Variants in PDE4C observed in about 807,000 individuals in gnomAD.
PDE4C encodes phosphodiesterase 4C.
In PDE4C, 50 loss-of-function variants were observed where a neutral mutation model predicts 63.9. That is an observed-to-expected ratio of 0.78 (90% CI 0.62 to 0.99). The LOEUF is 0.99. PDE4C is among the 50% of genes least tolerant of loss of function. The probability of loss-of-function intolerance (pLI) is 0.00; values close to 1 mark genes in which losing one functional copy is unlikely to be tolerated. For missense variants in PDE4C, 777 were observed against 899.1 expected, an observed-to-expected ratio of 0.86 and a Z score of 1.74; for synonymous variants, 377 against 385.1, an observed-to-expected ratio of 0.98 and a Z score of 0.25.
At chr19:18,212,534 G>A (rs1346449104) in intron 13 of PDE4C, among the ~76,000 whole-genome samples, 3 of 150,830 alleles carry the variant, frequency 2.0e-5, no homozygotes, top group Non-Finnish European at 4.4e-5. Context: ...GAGTGCAATG[G>A]TGCAATCACA....
chr19:18,248,083 G>A (rs1969161908), intron 1 of PDE4C: 3 of 436,746 alleles, frequency 6.9e-6, no homozygotes, highest in South Asian at 4.8e-5. Flanking sequence ...GTTTCAGGGG[G>A]ATTACGAGAC....
chr19:18,217,633 G>A (rs944465508), intron 11 of PDE4C, among the ~76,000 whole-genome samples: 16 of 152,076 alleles, frequency 1.1e-4, no homozygotes, highest in African/African-American at 3.6e-4. Flanking sequence ...GCGGTGGCTC[G>A]TGCCTGTAAT....
At chr19:18,211,648 G>A in intron 14 of PDE4C, 111 bp downstream of exon 14, 3 of 1,247,090 alleles carry the variant, frequency 2.4e-6, no homozygotes, top group East Asian at 2.3e-5. Flanking sequence ...CACCCTTCAG[G>A]CACACTCCCT....
chr19:18,229,187 T>G (rs1968800278), upstream of PDE4C, among the ~76,000 whole-genome samples: 1 of 148,314 alleles, frequency 6.7e-6, no homozygotes, highest in Admixed American at 6.9e-5. Flanking sequence ...TGACTTCAGG[T>G]GATCACCTGC....
intron 1 of PDE4C, among the ~76,000 whole-genome samples, chr19:18,222,707 T>C (rs1285828162): frequency 2.2e-5 from 3 of 137,690 alleles, no homozygotes; most frequent in African/African-American, 2.6e-5. Flanking sequence ...TTTCTTTTTT[T>C]TTTTTTTTTT....
Position 18,220,198 on chromosome 19 carries a change from G to A in PDE4C, c.706+28C>T. Reference sequence around the variant, plus strand: ...TGTTTCTTAGTACTCCTAAAATGTCGTCCAGGCAGTGACTCAACAAAGCTC... The same window carrying A: ...TGTTTCTTAGTACTCCTAAAATGTCATCCAGGCAGTGACTCAACAAAGCTC... On this transcript the variant is annotated intron_variant, in intron 7 of 14. Coordinates refer to ENST00000262805, the Ensembl canonical transcript of PDE4C. This position sits in a 1 kb window ranked among gnomAD's most constrained non-coding sequence, Gnocchi z 5.1. The A allele has an allele frequency of 1.3e-6, 2 of 1,551,122 alleles. No homozygotes were observed.
At chr19:18,239,362 T>C (rs1969002286) in intron 1 of PDE4C, among the ~76,000 whole-genome samples, 1 of 152,248 alleles carries the variant, frequency 6.6e-6, no homozygotes, top group South Asian at 2.1e-4. Flanking sequence ...AGAATCAGTC[T>C]GAACGGATGC....
chr19:18,218,498 C>A lies in PDE4C; in HGVS notation c.970G>T (p.Glu324Ter), dbSNP rs763102655. 17 of 1,614,054 alleles carry A rather than the reference C, an allele frequency of 1.1e-5. No individual in the cohort carries two copies. Among genetic ancestry groups the A allele is most frequent in the Non-Finnish European group, 9.3e-6 (11 of 1,180,016 alleles). The change falls in exon 10 of 15, where the codon GAG becomes TAG. Residue 324 changes from glutamate to a stop codon, truncating the protein, a stop_gained and splice_region_variant. Coordinates refer to ENST00000262805, the Ensembl canonical transcript of PDE4C. LOFTEE classifies it high-confidence loss of function. The stretch of plus-strand genomic sequence containing the variant: ...TGGAATGTCTTCAGCAGGTCCCGCT[C>A]CTGGTCCATCACAGACCCTGGCTCA...
At chr19:18,239,611 G>A (rs1401908923) in intron 1 of PDE4C, among the ~76,000 whole-genome samples, 1 of 152,188 alleles carries the variant, frequency 6.6e-6, no homozygotes, top group African/African-American at 2.4e-5. Flanking sequence ...GGGGTAAGGC[G>A]ATCAGTGAAG....
At chr19:18,230,418 C>G (rs538196901), upstream of PDE4C, among the ~76,000 whole-genome samples, 1 of 152,126 alleles carries the variant, frequency 6.6e-6, no homozygotes, top group East Asian at 1.9e-4. Context: ...GTAGGGGAAT[C>G]GCTTGAACCC....
chr19:18,222,220 G>A (rs750626536), exon 2 of PDE4C: 13 of 1,614,114 alleles, frequency 8.1e-6, no homozygotes, highest in East Asian at 2.2e-5. Context: ...GACTCGCGCC[G>A]CTGGCTGTGC....
chr19:18,243,912 T>G (rs1280639285), intron 1 of PDE4C, among the ~76,000 whole-genome samples: 1 of 152,174 alleles, frequency 6.6e-6, no homozygotes, highest in Non-Finnish European at 1.5e-5. Flanking sequence ...TGGAGTGCAG[T>G]GGTGCCATCT....
At chr19:18,226,212 T>C (rs1968712581) in intron 1 of PDE4C, 58 bp downstream of exon 1, 13 of 1,423,850 alleles carry the variant, frequency 9.1e-6, no homozygotes, top group Non-Finnish European at 1.2e-5. Flanking sequence ...GTCCCTGCCC[T>C]TCCCACCTCC....
chr19:18,231,602 A>C (rs532323718), intron 1 of PDE4C, among the ~76,000 whole-genome samples: 34 of 152,116 alleles, frequency 2.2e-4, no homozygotes, highest in Non-Finnish European at 4.1e-4. Context: ...AGTGGCCCCT[A>C]GGGGGTCCAT....
chr19:18,215,831 CT>C (rs756197005), intron 12 of PDE4C, among the ~76,000 whole-genome samples: 140 of 127,748 alleles, frequency 1.1e-3, no homozygotes, highest in Middle Eastern at 4.6e-3. Flanking sequence ...TTTTTCTTTT[CT>C]TTTTTTTTTT....
upstream of PDE4C, among the ~76,000 whole-genome samples, chr19:18,249,334 G>A (rs964565893): frequency 5.3e-5 from 8 of 152,034 alleles, no homozygotes; most frequent in Admixed American, 2.6e-4. Flanking sequence ...GAGTGCAGTG[G>A]TGCAATCTCA....
exon 14 of PDE4C, chr19:18,211,819 C>T (rs763067347): frequency 8.7e-6 from 14 of 1,614,148 alleles, no homozygotes; most frequent in South Asian, 2.2e-5. Flanking sequence ...CCAGGCCCGA[C>T]TCACGCTCGC....
intron 4 of PDE4C, 57 bp downstream of exon 4, chr19:18,221,048 T>TCCCGCCAGGCCCCGCCCCAC: frequency 1.6e-6 from 1 of 607,682 alleles, no homozygotes; most frequent in South Asian, 1.8e-5. Flanking sequence ...GCAGCCCGCT[T>TCCCGCCAGGCCCCGCCCCAC]TCCGCCCACC....
chr19:18,238,771 T>A (rs1208176927), intron 1 of PDE4C, among the ~76,000 whole-genome samples: 1 of 151,840 alleles, frequency 6.6e-6, no homozygotes, highest in Non-Finnish European at 1.5e-5. Context: ...GGCAGGTGGA[T>A]CACAAGGTCA....
Sources: gnomAD v4.1 joint callset for allele counts (sites outside exome capture counted in the v4.1 genomes callset) on GRCh38, gnomAD v4.1.1 for gene constraint, Gnocchi (gnomAD v3.1) non-coding constraint, MANE v1.5 for transcripts, NCBI Gene and HGNC (gene_info 2026-07-23, HGNC 2026-07-21) for gene names.